CLCN5: variants seen among roughly 807,000 people sequenced by gnomAD.
CLCN5 encodes the protein H(+)/Cl(-) exchange transporter 5.
CLCN5 carries 17 observed loss-of-function variants against 54.0 expected under a neutral mutation model. The observed-to-expected ratio is 0.31, with a 90% CI of 0.22 to 0.47. The LOEUF (loss-of-function observed/expected upper bound fraction) is 0.47. Ranked by LOEUF, CLCN5 falls within the 20% of genes least tolerant of loss-of-function variation. CLCN5 has a pLI of 1.00. For missense variants in CLCN5, 448 were observed against 646.7 expected (o/e 0.69, Z 3.33); for synonymous variants, 222 against 233.0 (o/e 0.95, Z 0.43).
At position 50,042,325 on chromosome X, in the gene CLCN5, A is replaced by T; in HGVS notation, c.26A>T (p.Asp9Val). 8.6e-7 allele frequency: 1 copy of T among 1,162,795 alleles called. No homozygotes were observed. Among genetic ancestry groups the T allele is most frequent in the Non-Finnish European group, 1.2e-6 (1 of 867,881 alleles). MAMWQGAM[D>V]NRGFQQGSFS... is the part of the protein sequence containing the mutation. ...TTTTCTTTCTGCACAGGTGCCATGG[A>T]TAACAGAGGCTTTCAGCAGGGGAGT... is the stretch of plus-strand genomic sequence containing the variant. Residue 9 changes from aspartate to valine, a missense_variant, in exon 4 of 15, where the codon GAT becomes GTT. Coordinates refer to ENST00000376091, the MANE Select transcript of CLCN5 (RefSeq NM_001127898.4).
rs1925125186 is a variant in CLCN5, at chrX:49,922,781, C to T, written c.-216C>T. 8.8e-6 allele frequency: 1 copy of T among 113,182 alleles called. No homozygotes were observed. Among genetic ancestry groups the T allele is most frequent in the African/African-American group, 3.2e-5 (1 of 31,217 alleles). The allele number at this position is 113,182 out of a possible 1,213,427, so 9.3% of individuals were successfully genotyped here. On this transcript the variant is annotated 5_prime_UTR_variant, in exon 1 of 15. Coordinates refer to ENST00000376091, the MANE Select transcript of CLCN5 (RefSeq NM_001127898.4). The stretch of plus-strand genomic sequence containing the variant: ...CGGACACGGGCTCCGCCGCTCCGGA[C>T]CTCGGCGACAGGTAAAGGCAAACGG...
intron 3 of CLCN5, among the ~76,000 whole-genome samples, chrX:50,039,306 C>A (rs6520504): frequency 0.15 from 16,131 of 109,930 alleles, 3,108 homozygotes; most frequent in African/African-American, 0.52. Flanking sequence ...AAACAAACAA[C>A]CAACCAACCC....
At chrX:49,946,889 C>A (rs1399754833) in intron 3 of CLCN5, among the ~76,000 whole-genome samples, 4 of 110,203 alleles carry the variant, frequency 3.6e-5, no homozygotes, top group African/African-American at 1.3e-4. Context: ...AGTGCAATGG[C>A]GTGATCTCGG....
intron 3 of CLCN5, among the ~76,000 whole-genome samples, chrX:50,013,509 G>A (rs1930629448): frequency 9.0e-6 from 1 of 111,244 alleles, no homozygotes; most frequent in Non-Finnish European, 1.9e-5. Context: ...ACAGACACAG[G>A]TGTGTCAGGA....
chrX:50,022,778 T>TGAGCG (rs1931168514), intron 3 of CLCN5, among the ~76,000 whole-genome samples: 1 of 54,718 alleles, frequency 1.8e-5, no homozygotes, highest in Non-Finnish European at 2.9e-5. Flanking sequence ...TCCATGTAGT[T>TGAGCG]GAGCGGCTTT....
chrX:50,079,042 C>G (rs1340981876), intron 7 of CLCN5, among the ~76,000 whole-genome samples: 6 of 111,551 alleles, frequency 5.4e-5, no homozygotes, highest in Non-Finnish European at 7.5e-5. Flanking sequence ...CCAGGATGGT[C>G]TTGATCTCCT....
At chrX:50,007,181 C>G (rs1459040870) in intron 3 of CLCN5, among the ~76,000 whole-genome samples, 1 of 112,029 alleles carries the variant, frequency 8.9e-6, no homozygotes, top group African/African-American at 3.2e-5. Context: ...TGTTCTCTCT[C>G]ACAATCACAG....
chrX:50,036,222 G>A (rs941588271), intron 3 of CLCN5, among the ~76,000 whole-genome samples: 21 of 112,217 alleles, frequency 1.9e-4, no homozygotes, highest in Non-Finnish European at 3.2e-4. Flanking sequence ...TCTAAAGACT[G>A]TATCAAAATG....
chrX:50,008,413 C>A, intron 3 of CLCN5: 1 of 335,950 alleles, frequency 3.0e-6, no homozygotes, highest in Non-Finnish European at 6.3e-6. Context: ...ACTGAACATT[C>A]ACAGGGCTTT....
intron 4 of CLCN5, chrX:50,054,655 C>A (rs1932687966): frequency 8.9e-6 from 1 of 112,091 alleles, no homozygotes; most frequent in Non-Finnish European, 1.9e-5. Flanking sequence ...TCAGCTGTGT[C>A]TCTTTGAATA....
At chrX:50,087,062 A>C (rs931927527) in intron 11 of CLCN5, among the ~76,000 whole-genome samples, 192 bp downstream of exon 11, 2 of 110,220 alleles carry the variant, frequency 1.8e-5, no homozygotes, top group Non-Finnish European at 3.8e-5. Context: ...CTCTATCTCA[A>C]ATTGTCCAAG....
chrX:50,015,686 C>G (rs1197945524), intron 3 of CLCN5, among the ~76,000 whole-genome samples: 1 of 110,112 alleles, frequency 9.1e-6, no homozygotes, highest in Non-Finnish European at 1.9e-5. Flanking sequence ...GTGCTTTCTA[C>G]TGTGACCTCA....
chrX:50,040,809 A>G (rs1190819300), intron 3 of CLCN5, among the ~76,000 whole-genome samples: 1 of 111,867 alleles, frequency 8.9e-6, no homozygotes, highest in Admixed American at 9.5e-5. Flanking sequence ...CTATGCCACA[A>G]TGATTCATGC....
chrX:50,033,755 C>G (rs782517570), intron 3 of CLCN5, among the ~76,000 whole-genome samples: 7 of 111,850 alleles, frequency 6.3e-5, no homozygotes, highest in Non-Finnish European at 1.1e-4. Context: ...ATCACGCTAC[C>G]TGACTTCAAA....
intron 3 of CLCN5, among the ~76,000 whole-genome samples, chrX:49,985,788 T>G (rs1476377533): frequency 9.0e-6 from 1 of 111,678 alleles, no homozygotes; most frequent in African/African-American, 3.2e-5. Context: ...TTAATTAATT[T>G]GTTTACTTTT....
At chrX:50,005,996 C>G (rs1341564829) in intron 3 of CLCN5, among the ~76,000 whole-genome samples, 1 of 112,064 alleles carries the variant, frequency 8.9e-6, no homozygotes, top group Non-Finnish European at 1.9e-5. Flanking sequence ...CATTATACTT[C>G]TGATTCAAAA....
intron 3 of CLCN5, chrX:50,003,233 G>C (rs1557180834): frequency 5.2e-6 from 2 of 381,074 alleles, no homozygotes. Flanking sequence ...GCAGAAGAGC[G>C]AGCCTTCTCT....
At chrX:50,050,723 C>G (rs12011234) in intron 4 of CLCN5, among the ~76,000 whole-genome samples, 9,823 of 96,677 alleles carry the variant, frequency 0.1, 1,582 homozygotes, top group African/African-American at 0.37. Flanking sequence ...GCAGTGGTTC[C>G]ATCTCGCTTG....
chrX:50,040,924 AAAC>A (rs781991938), intron 3 of CLCN5, among the ~76,000 whole-genome samples: 125 of 112,125 alleles, frequency 1.1e-3, no homozygotes, highest in Middle Eastern at 4.7e-3. Flanking sequence ...TTAACTTTAA[AAAC>A]AACAACAACA....
Sources: allele counts gnomAD v4.1 joint callset (sites outside exome capture counted in the v4.1 genomes callset), GRCh38; gene constraint gnomAD v4.1.1; transcripts MANE v1.5; gene names NCBI Gene and HGNC (gene_info 2026-07-23, HGNC 2026-07-21).